Variants in LAMB4 observed in about 807,000 individuals in gnomAD.
LAMB4 encodes laminin subunit beta 4.
A neutral mutation model predicts 199.2 loss-of-function variants in LAMB4; 196 were observed. The observed-to-expected ratio is 0.98, with a 90% CI of 0.88 to 1.11. The LOEUF is 1.11. LAMB4 is among the 50% of genes least tolerant of loss of function. LAMB4 has a pLI of 0.00. For missense variants in LAMB4, 2,080 were observed against 2,171.2 expected (o/e 0.96, Z 0.83); for synonymous variants, 744 against 770.6 (o/e 0.97, Z 0.57).
intron 27 of LAMB4, among the ~76,000 whole-genome samples, chr7:108,048,660 T>C (rs189387819): frequency 3.0e-4 from 46 of 152,300 alleles, no homozygotes; most frequent in Middle Eastern, 6.8e-3. Flanking sequence ...AGTCAAACTT[T>C]TAGGAATTAC....
chr7:108,109,909 T>G (rs1272497674), intron 4 of LAMB4, among the ~76,000 whole-genome samples: 2 of 152,010 alleles, frequency 1.3e-5, no homozygotes, highest in Non-Finnish European at 2.9e-5. Context: ...ATATGAGACA[T>G]GTGTGTAATT....
downstream of LAMB4, among the ~76,000 whole-genome samples, chr7:108,020,470 C>CAAAAA (rs57432162): frequency 2.6e-3 from 157 of 60,162 alleles, no homozygotes; most frequent in East Asian, 4.2e-3. Context: ...GACTCCATCT[C>CAAAAA]AAAAAAAAAA....
chr7:108,115,858 G>C (rs2038386232), intron 3 of LAMB4, 146 bp downstream of exon 3: 1 of 835,688 alleles, frequency 1.2e-6, no homozygotes, highest in African/African-American at 1.7e-5. Context: ...ACGCCCCGTG[G>C]ATACTGAGGG....
At chr7:108,080,185 A>G (rs1480940446) in intron 14 of LAMB4, among the ~76,000 whole-genome samples, 5 of 152,216 alleles carry the variant, frequency 3.3e-5, no homozygotes, top group Admixed American at 3.3e-4. Flanking sequence ...ATTGGGCATG[A>G]CAATGAGAAA....
At chr7:108,103,431 C>G (rs1305128520) in intron 9 of LAMB4, among the ~76,000 whole-genome samples, 199 bp from the exon 10 acceptor site, 1 of 152,194 alleles carries the variant, frequency 6.6e-6, no homozygotes, top group African/African-American at 2.4e-5. Flanking sequence ...TCTGCTCCTA[C>G]GCTTTCTATA....
At chr7:108,075,467 T>G (rs1212519920) in intron 17 of LAMB4, 1 of 152,210 alleles carries the variant, frequency 6.6e-6, no homozygotes, top group Non-Finnish European at 1.5e-5. Context: ...GGTGGCCCAA[T>G]AAAACTTCGT....
intron 24 of LAMB4, 150 bp from the exon 25 acceptor site, chr7:108,056,157 G>A: frequency 1.4e-6 from 1 of 696,408 alleles, no homozygotes; most frequent in Non-Finnish European, 2.3e-6. Flanking sequence ...TCAGAGATCT[G>A]TGCAATAGCC....
At chr7:108,110,555 C>T (rs1397720496) in intron 4 of LAMB4, among the ~76,000 whole-genome samples, 1 of 152,190 alleles carries the variant, frequency 6.6e-6, no homozygotes. Flanking sequence ...GAGTGGGCAG[C>T]CACATTGCAG....
chr7:108,072,755 C>T (rs143976383), intron 17 of LAMB4, among the ~76,000 whole-genome samples: 5 of 152,220 alleles, frequency 3.3e-5, no homozygotes, highest in East Asian at 1.9e-4. Flanking sequence ...TTATAGTAGG[C>T]GCTTCATAGA....
chr7:108,044,698 T>C (rs896102309), intron 28 of LAMB4, among the ~76,000 whole-genome samples: 3 of 152,004 alleles, frequency 2.0e-5, no homozygotes, highest in African/African-American at 7.2e-5. Context: ...ACGCCTGTAA[T>C]CCCCAGCACT....
chr7:108,105,124 G>C (rs918955464), intron 8 of LAMB4, among the ~76,000 whole-genome samples: 1 of 152,130 alleles, frequency 6.6e-6, no homozygotes, highest in African/African-American at 2.4e-5. Flanking sequence ...AGGCACACTA[G>C]CTCAACATTA....
rs1456892016 is a variant in LAMB4 at position 108,126,795 on chromosome 7, C to G, written c.-34+3511G>C. Among the ~76,000 whole-genome samples the G allele has an allele frequency of 2.6e-5, 4 of 151,328 alleles. No homozygotes were observed. The East Asian group carries it at 7.8e-4, about 29-fold the overall frequency. On this transcript the variant is annotated intron_variant, in intron 1 of 33. Transcript: ENST00000388781. ...TTGTTAGCCAGGATGGTCTCGATCT[C>G]CTGACCTCATGATCCACCCGCCTCG... is the stretch of plus-strand genomic sequence containing the variant.
chr7:108,088,891 G>T (rs957783182), intron 14 of LAMB4, among the ~76,000 whole-genome samples: 2 of 152,136 alleles, frequency 1.3e-5, no homozygotes, highest in African/African-American at 4.8e-5. Context: ...GGTCTAAAAG[G>T]AATGTGTGTT....
At chr7:108,034,386 C>G in intron 30 of LAMB4, 40 bp from the exon 31 acceptor site, 1 of 1,467,992 alleles carries the variant, frequency 6.8e-7, no homozygotes, top group Non-Finnish European at 9.5e-7. Context: ...GATAAATACA[C>G]AATTATTCAC....
intron 4 of LAMB4, among the ~76,000 whole-genome samples, chr7:108,110,213 G>C (rs1378117238): frequency 6.6e-6 from 1 of 152,110 alleles, no homozygotes; most frequent in Non-Finnish European, 1.5e-5. Flanking sequence ...ATTTTTAGTA[G>C]AGACAGGGTT....
Position 108,126,554 on chromosome 7 carries a change from C to CCTTTTT in LAMB4, c.-33-3358_-33-3357insAAAAAG, listed in dbSNP as rs780962576. Among the ~76,000 whole-genome samples the CCTTTTT allele has an allele frequency of 2.6e-3, 213 of 83,516 alleles. 13 individuals are homozygous for CCTTTTT. Among genetic ancestry groups the CCTTTTT allele is most frequent in the African/African-American group, 9.9e-3 (196 of 19,820 alleles). The allele number at this position is 83,516 out of a possible 152,430, so 54.8% of individuals were successfully genotyped here. ...TTGTAGGATGTGTCAGAATTTCTTTCTTTTTTTTTTTTTTTTTTTTTGAGA... is the reference window on the plus strand; with the variant it reads ...TTGTAGGATGTGTCAGAATTTCTTTCCTTTTTTTTTTTTTTTTTTTTTTTTTTGAGA... On this transcript the variant is annotated intron_variant, in intron 1 of 33. Transcript: ENST00000388781.
Position 108,069,872 on chromosome 7 carries a change from G to T in LAMB4, c.2138C>A (p.Pro713His). ...GAAATTCTCCAATGAATTGATTTGGGGAATAAGGCCAAGCTTTTGAAAGAA... is the reference window on the plus strand; with the variant it reads ...GAAATTCTCCAATGAATTGATTTGGTGAATAAGGCCAAGCTTTTGAAAGAA... ...HVLVDSLGLI[P>H]QINSLENFCS... Residue 713 changes from proline (P) to histidine (H), a missense_variant, in exon 18 of 34, where the codon CCC becomes CAC. Physicochemically the swap from Pro to His is moderately conservative, Grantham distance 77. Coordinates refer to ENST00000388781, the MANE Select transcript of LAMB4 (RefSeq NM_007356.3). The T allele has an allele frequency of 6.2e-7, 1 of 1,610,912 alleles. No individual in the cohort carries two copies. The highest frequency in any genetic ancestry group is 1.1e-5 in the South Asian group (1 of 90,900).
chr7:108,123,001 A>G, intron 2 of LAMB4, 130 bp downstream of exon 2: 1 of 717,092 alleles, frequency 1.4e-6, no homozygotes, highest in Non-Finnish European at 2.2e-6. Context: ...ACAATTACAC[A>G]ACAACAACAG....
chr7:108,055,861 G>C lies in LAMB4; in HGVS notation c.3526C>G (p.His1176Asp). The C allele has an allele frequency of 6.2e-6, 10 of 1,614,180 alleles. No homozygotes were observed. Among genetic ancestry groups the C allele is most frequent in the Non-Finnish European group, 8.5e-6 (10 of 1,180,034 alleles). ...SQEFPTCLQC[H>D]LCFDQWDHTI... ...TGGTCCCACTGATCAAAGCACAAGT[G>C]ACATTGAAGACAAGTAGGGAATTCC... The change falls in exon 25 of 34, where the codon CAC (histidine) becomes GAC (aspartate). Residue 1176 changes from histidine (H) to aspartate (D), a missense_variant. By Grantham distance (81) the His-to-Asp change is moderately conservative (BLOSUM62 -1). Coordinates refer to ENST00000388781, the MANE Select transcript of LAMB4 (RefSeq NM_007356.3).
Sources: gnomAD v4.1 joint callset for allele counts (sites outside exome capture counted in the v4.1 genomes callset) on GRCh38, gnomAD v4.1.1 for gene constraint, MANE v1.5 for transcripts, NCBI Gene and HGNC (gene_info 2026-07-23, HGNC 2026-07-21) for gene names.